Variants in LRRC37A2 observed in about 807,000 individuals in gnomAD.
LRRC37A2 encodes the protein leucine-rich repeat-containing protein 37A2.
LRRC37A2 carries 9 observed loss-of-function variants against 68.8 expected under a neutral mutation model. The observed-to-expected ratio is 0.13, with a 90% CI of 0.08 to 0.23. LRRC37A2 has a LOEUF of 0.23. Among genes scored for constraint, LRRC37A2 ranks in the 10% least tolerant of loss-of-function variants. LRRC37A2 has a pLI of 1.00. For synonymous variants in LRRC37A2, 63 were observed against 367.6 expected (o/e 0.17, Z 9.48); for missense variants, 168 against 950.4 (o/e 0.18, Z 10.82).
chr17:46,976,585 C>T, the LRRC37A2 span, among the ~76,000 whole-genome samples: 2 of 151,988 alleles, frequency 1.3e-5, no homozygotes, highest in African/African-American at 4.8e-5. Context: ...AAATTTAACT[C>T]TTGACTCGTT....
At chr17:47,001,168 G>C in the LRRC37A2 span, among the ~76,000 whole-genome samples, 1 of 152,194 alleles carries the variant, frequency 6.6e-6, no homozygotes, top group Non-Finnish European at 1.5e-5. Flanking sequence ...TAAGGAGCCA[G>C]AGACCAAGGC....
chr17:47,037,665 T>A, the LRRC37A2 span, among the ~76,000 whole-genome samples: 1 of 152,348 alleles, frequency 6.6e-6, no homozygotes, highest in Non-Finnish European at 1.5e-5. Flanking sequence ...TCTCCTCATC[T>A]GTATTTTGAA....
chr17:46,923,864 T>C, the LRRC37A2 span: 1 of 398,588 alleles, frequency 2.5e-6, no homozygotes, highest in African/African-American at 2.1e-5. Context: ...CTGAGATACG[T>C]AGTTGAGTAT....
At chr17:46,456,246 G>GTA in the LRRC37A2 span, among the ~76,000 whole-genome samples, 1 of 106,888 alleles carries the variant, frequency 9.4e-6, no homozygotes, top group Non-Finnish European at 2.1e-5. Flanking sequence ...GTGTGTGTGT[G>GTA]TATACACATA....
the LRRC37A2 span, among the ~76,000 whole-genome samples, chr17:46,824,496 G>A: frequency 4.6e-5 from 7 of 152,328 alleles, no homozygotes; most frequent in East Asian, 1.9e-4. Context: ...TGGTACGCCC[G>A]CCTTGGCCTC....
At chr17:46,773,623 T>TTCCCCC in the LRRC37A2 span, 3 of 383,490 alleles carry the variant, frequency 7.8e-6, no homozygotes, top group Non-Finnish European at 1.6e-5. Flanking sequence ...TCCTGATCCC[T>TTCCCCC]CCCCCCACCC....
At chr17:46,939,131 C>A in the LRRC37A2 span, 1 of 1,145,414 alleles carries the variant, frequency 8.7e-7, no homozygotes, top group Non-Finnish European at 1.1e-6. Context: ...CGGTTCACAC[C>A]TTGTCACCAT....
chr17:46,467,743 T>C, the LRRC37A2 span, among the ~76,000 whole-genome samples: 6 of 105,156 alleles, frequency 5.7e-5, 3 homozygotes, highest in Non-Finnish European at 8.4e-5. Context: ...AAGAAAAACA[T>C]CACTTCTGTA....
At chr17:46,876,309 G>T in the LRRC37A2 span, 5 of 1,614,176 alleles carry the variant, frequency 3.1e-6, no homozygotes, top group Non-Finnish European at 4.2e-6. Flanking sequence ...TGTGCCGTGC[G>T]CACCTGCTGG....
the LRRC37A2 span, chr17:46,939,121 C>A: frequency 8.6e-7 from 1 of 1,157,652 alleles, no homozygotes; most frequent in Non-Finnish European, 1.1e-6. Flanking sequence ...ACTGTCCACA[C>A]GGTTCACACC....
the LRRC37A2 span, among the ~76,000 whole-genome samples, chr17:47,024,912 C>T: frequency 6.7e-6 from 1 of 148,776 alleles, no homozygotes; most frequent in East Asian, 1.9e-4. Context: ...TAGCTACCTC[C>T]TGTGCATTTT....
chr17:46,782,466 C>T, the LRRC37A2 span, among the ~76,000 whole-genome samples: 2 of 152,110 alleles, frequency 1.3e-5, no homozygotes, highest in Non-Finnish European at 2.9e-5. Flanking sequence ...GTTCCTGGGC[C>T]CAGAAGGGCT....
chr17:46,782,860 A>G, the LRRC37A2 span, among the ~76,000 whole-genome samples: 5 of 152,270 alleles, frequency 3.3e-5, no homozygotes, highest in East Asian at 9.6e-4. Flanking sequence ...ACACATGTGC[A>G]CCCTGCGGGT....
At chr17:46,736,140 A>T in the LRRC37A2 span, among the ~76,000 whole-genome samples, 1 of 152,136 alleles carries the variant, frequency 6.6e-6, no homozygotes, top group East Asian at 1.9e-4. Flanking sequence ...CCCATCTCTC[A>T]TTCACTGAAA....
At chr17:46,898,759 A>T in the LRRC37A2 span, among the ~76,000 whole-genome samples, 217 of 152,366 alleles carry the variant, frequency 1.4e-3, no homozygotes, top group Non-Finnish European at 2.2e-3. Context: ...ATAACCAGTC[A>T]TAATAACAGC....
chr17:46,912,718 G>T, the LRRC37A2 span, among the ~76,000 whole-genome samples: 2 of 152,224 alleles, frequency 1.3e-5, no homozygotes, highest in African/African-American at 4.8e-5. Flanking sequence ...ACCCAAGGGG[G>T]TGAGGAGAAA....
At chr17:46,884,371 C>T in the LRRC37A2 span, among the ~76,000 whole-genome samples, 1 of 152,230 alleles carries the variant, frequency 6.6e-6, no homozygotes, top group African/African-American at 2.4e-5. Context: ...GTGCCGCCCC[C>T]GCCCCACACC....
the LRRC37A2 span, among the ~76,000 whole-genome samples, chr17:46,984,339 G>A: frequency 0.01 from 1,525 of 152,034 alleles, 27 homozygotes; most frequent in African/African-American, 0.034. Flanking sequence ...GGGGGTGGGA[G>A]TGCTTCGTTG....
chr17:46,912,380 G>C, the LRRC37A2 span, among the ~76,000 whole-genome samples: 4 of 152,202 alleles, frequency 2.6e-5, no homozygotes, highest in African/African-American at 9.7e-5. Context: ...TGCTGGTAGG[G>C]GTCCAGCTCC....
Sources: allele counts gnomAD v4.1 joint callset (sites outside exome capture counted in the v4.1 genomes callset), GRCh38; gene constraint gnomAD v4.1.1; transcripts MANE v1.5; gene names NCBI Gene and HGNC (gene_info 2026-07-23, HGNC 2026-07-21).